The following RNF31 variants were observed in gnomAD, a reference collection of about 807,000 sequenced individuals.
RNF31 encodes ring finger protein 31, also known as E3 ubiquitin-protein ligase RNF31.
Under a neutral mutation model 133.6 loss-of-function variants are expected in RNF31, and 38 were observed. The observed-to-expected ratio is 0.28, with a 90% CI of 0.22 to 0.37. The LOEUF (loss-of-function observed/expected upper bound fraction) is 0.37, where lower values mean the gene tolerates loss of function less well. RNF31 is among the 10% of genes least tolerant of loss of function. The pLI, the probability that RNF31 is intolerant of heterozygous loss-of-function variation, is 1.00. For missense variants in RNF31, 1,118 were observed against 1,394.1 expected, an observed-to-expected ratio of 0.80 and a Z score of 3.15; for synonymous variants, 582 against 552.3, an observed-to-expected ratio of 1.05 and a Z score of -0.75.
chr14:24,147,491 C>T (rs1481192963), upstream of RNF31: 5 of 419,670 alleles, frequency 1.2e-5, no homozygotes, highest in Non-Finnish European at 1.6e-5. Flanking sequence ...CAGTCCCACC[C>T]TCTCTCCTAG....
chr14:24,160,278 C>T lies in RNF31; in HGVS notation c.3036C>T (p.Ala1012=), dbSNP rs774069656. 2 of 1,614,106 alleles carry T rather than the reference C, an allele frequency of 1.2e-6. No individual in the cohort carries two copies. Among genetic ancestry groups the T allele is most frequent in the Non-Finnish European group, 8.5e-7 (1 of 1,180,024 alleles). ...AGTATCTTGTGAGCCTCATCAATGC[C>T]CACTCGCTGGACCCAGCCACCTTGT... ...YKEYLVSLIN[A]HSLDPATLYE... is the part of the protein sequence containing the mutation. The change falls in exon 20 of 21, where the codon GCC becomes GCT. Residue 1012 remains alanine, a synonymous_variant. Transcript: ENST00000324103. This position sits in a 1 kb window ranked among gnomAD's most constrained non-coding sequence, Gnocchi z 4.0.
intron 11 of RNF31, among the ~76,000 whole-genome samples, chr14:24,152,402 T>C (rs1327597590): frequency 1.4e-5 from 2 of 142,464 alleles, no homozygotes; most frequent in Non-Finnish European, 3.0e-5. Flanking sequence ...ATCTCTAAAA[T>C]GTAAAACTTT....
At position 24,158,168 on chromosome 14, in the gene RNF31, G is replaced by A. The variant is rs1350609266; in HGVS notation, c.2868G>A (p.Glu956=). 6.2e-7 allele frequency: 1 copy of A among 1,614,252 alleles called. No individual in the cohort carries two copies. The highest frequency in any genetic ancestry group is 2.2e-5 in the East Asian group (1 of 44,886). The change falls in exon 18 of 21, where the codon GAG becomes GAA. Residue 956 remains glutamate (E), a synonymous_variant. Transcript: ENST00000324103. ...ACAATAACGTCATGTTTAATACAGA[G>A]CCTCCAGCTGGGGCCCGGGCAGTCC... ...LQDNNVMFNT[E]PPAGARAVPG...
chr14:24,158,305 T>C, intron 18 of RNF31, 106 bp downstream of exon 18: 1 of 1,075,472 alleles, frequency 9.3e-7, no homozygotes, highest in Non-Finnish European at 1.4e-6. Flanking sequence ...TTGCATGCCC[T>C]TTGGCAAGTT....
At chr14:24,154,608 A>G (rs761156962) in intron 11 of RNF31, among the ~76,000 whole-genome samples, 2 of 152,190 alleles carry the variant, frequency 1.3e-5, no homozygotes, top group Non-Finnish European at 2.9e-5. Context: ...TAGTTATAGT[A>G]CAATATCAAG....
rs1203792707 is a variant in RNF31 at position 24,157,919 on chromosome 14, A to C, written c.2749A>C (p.Arg917=). ...AKNKCPEPNC[R]VKKSLHGHHP... ...CCAGAAATGTCCAGAGCCTAACTGC[A>C]GGGTGAAAAAGTCCCTGCACGGCCA... Residue 917 remains arginine (R), a synonymous_variant, in exon 17 of 21, where the codon AGG becomes CGG. Transcript: ENST00000324103. 6 of 1,613,946 alleles carry C rather than the reference A, an allele frequency of 3.7e-6. No individual in the cohort carries two copies. The Admixed American group carries it at 1.0e-4, about 27-fold the overall frequency.
upstream of RNF31, chr14:24,147,460 C>G (rs1029497163): frequency 2.6e-6 from 1 of 385,660 alleles, no homozygotes; most frequent in East Asian, 4.0e-5. Context: ...AAGCCCCGCC[C>G]GTTCCTCCGA....
Position 24,150,399 on chromosome 14 carries a change from G to A in RNF31, c.1148G>A (p.Ser383Asn). ...CERPRLAQPP[S>N]LVVDSRDAGI... ...CGACCTCGGCTGGCCCAGCCTCCCA[G>A]CTTGGTGGTGGATTCCCGAGATGCT... The change falls in exon 7 of 21, where the codon AGC becomes AAC. Residue 383 changes from serine (S) to asparagine (N), a missense_variant. Physicochemically the swap from Ser to Asn is conservative, Grantham distance 46 (BLOSUM62 1). Transcript: ENST00000324103. 6.2e-7 allele frequency: 1 copy of A among 1,613,288 alleles called. No individual in the cohort carries two copies. Among genetic ancestry groups the A allele is most frequent in the Non-Finnish European group, 8.5e-7 (1 of 1,179,886 alleles).
rs1404694106 is a variant in RNF31, at chr14:24,157,435, A to C, written c.2608+31A>C. The C allele has an allele frequency of 1.9e-6, 3 of 1,605,356 alleles. No homozygotes were observed. In the Admixed American group the frequency reaches 5.0e-5, roughly 27 times the overall value. The stretch of plus-strand genomic sequence containing the variant: ...GCCTCCCTACTCGGCCTGTTTGCTC[A>C]GAAGCCTGTCATTGCCAGCAGCTCT... On this transcript the variant is annotated intron_variant, in intron 15 of 20. Transcript: ENST00000324103.
chr14:24,154,828 C>G (rs1210542983), intron 11 of RNF31: 2 of 364,078 alleles, frequency 5.5e-6, no homozygotes, highest in Non-Finnish European at 1.0e-5. Flanking sequence ...CTTCTGCCCC[C>G]ACTTCTAGTC....
At chr14:24,148,499 C>A in intron 3 of RNF31, 86 bp downstream of exon 3, 1 of 1,605,226 alleles carries the variant, frequency 6.2e-7, no homozygotes, top group Non-Finnish European at 8.5e-7. Flanking sequence ...GACCCCCGTG[C>A]TGCTGAACTA....
chr14:24,150,917 G>A (rs781169242), intron 8 of RNF31, 29 bp downstream of exon 8: 4 of 1,538,148 alleles, frequency 2.6e-6, no homozygotes, highest in Non-Finnish European at 3.5e-6. Context: ...ATGAGGTAGG[G>A]CTGAGCTGGT....
intron 6 of RNF31, among the ~76,000 whole-genome samples, 183 bp downstream of exon 6, chr14:24,149,766 T>G (rs1203040946): frequency 6.6e-6 from 1 of 152,174 alleles, no homozygotes; most frequent in East Asian, 1.9e-4. Flanking sequence ...ACCCAGGTTG[T>G]TATGGTAATA....
chr14:24,151,760 C>A lies in RNF31; in HGVS notation c.1924-26C>A. 1 of 1,600,564 alleles carries A rather than the reference C, an allele frequency of 6.2e-7. No individual in the cohort carries two copies. On this transcript the variant is annotated intron_variant, in intron 10 of 20. Coordinates refer to ENST00000324103, the MANE Select transcript of RNF31 (RefSeq NM_017999.5). The surrounding 1 kb of genome is among the most constrained non-coding windows in gnomAD (Gnocchi z 5.3). ...GGTCCCTGGAGTCTGACAGCACTTC[C>A]CCCCTCCACCTGAATCATATTGCAG...
At chr14:24,148,553 C>T (rs1371509847) in intron 3 of RNF31, 89 bp from the exon 4 acceptor site, 2 of 1,585,538 alleles carry the variant, frequency 1.3e-6, no homozygotes, top group Admixed American at 3.3e-5. Context: ...ACTGATTTTC[C>T]TTCTGTGAAT....
rs2038424674 is a variant in RNF31 at position 24,160,218 on chromosome 14, T to G, written c.2997-21T>G. 6.2e-7 allele frequency: 1 copy of G among 1,602,714 alleles called. No individual in the cohort carries two copies. Among genetic ancestry groups the G allele is most frequent in the Admixed American group, 1.7e-5 (1 of 59,626 alleles). ...TAATATTAGCCAACACAACAAATAT[T>G]CTGCTCCCTTTTCTCCCCAGGGCAC... On this transcript the variant is annotated intron_variant, in intron 19 of 20. Transcript: ENST00000324103. This position sits in a 1 kb window ranked among gnomAD's most constrained non-coding sequence, Gnocchi z 4.0.
intron 11 of RNF31, among the ~76,000 whole-genome samples, chr14:24,152,724 G>C (rs1707316273): frequency 6.6e-6 from 1 of 152,230 alleles, no homozygotes; most frequent in Admixed American, 6.5e-5. Flanking sequence ...CTCTGACCTA[G>C]AGTACGTGGA....
chr14:24,155,381 C>T lies in RNF31; in HGVS notation c.2305-33C>T. The T allele has an allele frequency of 1.2e-6, 2 of 1,614,060 alleles. No individual in the cohort carries two copies. Among genetic ancestry groups the T allele is most frequent in the Non-Finnish European group, 1.7e-6 (2 of 1,179,912 alleles). The stretch of plus-strand genomic sequence containing the variant: ...GTACCCTGAGCTTTGAACAGGGACC[C>T]TCCCACCCACCACCTCTGCATCCTG... On this transcript the variant is annotated intron_variant, in intron 12 of 20. Coordinates refer to ENST00000324103, the MANE Select transcript of RNF31 (RefSeq NM_017999.5). The surrounding 1 kb of genome is among the most constrained non-coding windows in gnomAD (Gnocchi z 4.9).
chr14:24,158,199 G>A lies in RNF31; in HGVS notation c.2899G>A (p.Gly967Ser). ...AGCTGGGGCCCGGGCAGTCCCTGGA[G>A]GTGAGTGTTAGGACAAGCCTTTGAG... ...PPAGARAVPG[G>S]GCRVIEQKEV... The change falls in exon 18 of 21, where the codon GGC (glycine) becomes AGC (serine). Residue 967 changes from glycine to serine, a missense_variant and splice_region_variant. Coordinates refer to ENST00000324103, the MANE Select transcript of RNF31 (RefSeq NM_017999.5). The A allele has an allele frequency of 6.2e-7, 1 of 1,614,114 alleles. No homozygotes were observed. Among genetic ancestry groups the A allele is most frequent in the Non-Finnish European group, 8.5e-7 (1 of 1,179,940 alleles).
Sources: allele counts gnomAD v4.1 joint callset (sites outside exome capture counted in the v4.1 genomes callset), GRCh38; gene constraint gnomAD v4.1.1; non-coding constraint Gnocchi (gnomAD v3.1); transcripts MANE v1.5; gene names NCBI Gene and HGNC (gene_info 2026-07-23, HGNC 2026-07-21).